Variants in BBS9 observed in about 807,000 individuals in gnomAD.
BBS9 encodes Bardet-Biedl syndrome 9.
A neutral mutation model predicts 117.7 loss-of-function variants in BBS9; 89 were observed. That is an observed-to-expected ratio of 0.76 (90% CI 0.64 to 0.90). The LOEUF is 0.90. Ranked by LOEUF, BBS9 falls within the 40% of genes least tolerant of loss-of-function variation. The pLI is 0.00. For missense variants in BBS9, 982 were observed against 1,042.2 expected, an observed-to-expected ratio of 0.94 and a Z score of 0.80; for synonymous variants, 379 against 370.9, an observed-to-expected ratio of 1.02 and a Z score of -0.25.
intron 7 of BBS9, among the ~76,000 whole-genome samples, chr7:33,271,202 C>T (rs1799730787): frequency 1.3e-5 from 2 of 152,108 alleles, no homozygotes; most frequent in African/African-American, 4.8e-5. Context: ...ACTAGAGCTC[C>T]TGAAAGAAGC....
chr7:33,193,619 C>A (rs567228451), intron 5 of BBS9, among the ~76,000 whole-genome samples: 2 of 152,040 alleles, frequency 1.3e-5, no homozygotes, highest in African/African-American at 4.8e-5. Flanking sequence ...ACTGTTTTGA[C>A]GGTTGGATAT....
chr7:33,341,066 C>G, intron 11 of BBS9, 93 bp downstream of exon 11: 1 of 999,544 alleles, frequency 1.0e-6, no homozygotes, highest in Non-Finnish European at 1.6e-6. Flanking sequence ...TTTGGTCCTC[C>G]AAGTAGACAC....
At chr7:33,602,815 G>A (rs944174443) in intron 21 of BBS9, among the ~76,000 whole-genome samples, 2 of 152,170 alleles carry the variant, frequency 1.3e-5, no homozygotes, top group Non-Finnish European at 2.9e-5. Flanking sequence ...TGGAGTCTGA[G>A]GAGGTGCATG....
At chr7:33,167,147 C>G (rs924000740) in intron 4 of BBS9, among the ~76,000 whole-genome samples, 4 of 152,220 alleles carry the variant, frequency 2.6e-5, no homozygotes, top group African/African-American at 9.6e-5. Flanking sequence ...TGAGTCCATG[C>G]TTAATGTTGG....
At chr7:33,536,247 T>G (rs957823188) in intron 21 of BBS9, among the ~76,000 whole-genome samples, 1 of 152,004 alleles carries the variant, frequency 6.6e-6, no homozygotes, top group Non-Finnish European at 1.5e-5. Flanking sequence ...TCGCAATGCC[T>G]TGCCTTTACT....
intron 9 of BBS9, among the ~76,000 whole-genome samples, chr7:33,335,649 T>C (rs1183815090): frequency 1.3e-5 from 2 of 152,130 alleles, no homozygotes; most frequent in Non-Finnish European, 2.9e-5. Context: ...TTATGGCTAG[T>C]TTCTAGAGTA....
chr7:33,370,531 A>G (rs991812630), intron 17 of BBS9, among the ~76,000 whole-genome samples: 3 of 152,164 alleles, frequency 2.0e-5, no homozygotes, highest in Admixed American at 6.5e-5. Context: ...GAAAACTGTT[A>G]TCACAGTCCT....
rs571795495 is a variant in BBS9 at position 33,533,978 on chromosome 7, G to T, written c.2323G>T (p.Ala775Ser). ...GGGCTGGGAAGAAACGGTGGATGCC[G>T]CCATTTCCCACCTGTTGAAGACTTG... ...ELGWEETVDA[A>S]ISHLLKTCLS... The change falls in exon 21 of 23, where the codon GCC (alanine) becomes TCC (serine). Residue 775 changes from alanine (A) to serine (S), a missense_variant. Ala to Ser is a moderately conservative substitution (Grantham distance 99). Transcript: ENST00000242067. 1.2e-6 allele frequency: 2 copies of T among 1,614,152 alleles called. No homozygotes were observed. Among genetic ancestry groups the T allele is most frequent in the Non-Finnish European group, 1.7e-6 (2 of 1,180,034 alleles).
intron 19 of BBS9, among the ~76,000 whole-genome samples, chr7:33,412,972 C>A (rs1301420496): frequency 1.3e-5 from 2 of 152,106 alleles, no homozygotes; most frequent in African/African-American, 4.8e-5. Context: ...CTGTTGACTA[C>A]AATGTTTGAT....
chr7:33,425,270 A>AATT (rs1833490132), intron 19 of BBS9, among the ~76,000 whole-genome samples: 1 of 152,180 alleles, frequency 6.6e-6, no homozygotes, highest in Non-Finnish European at 1.5e-5. Flanking sequence ...AGTGGAGCTC[A>AATT]ATTATTATTA....
chr7:33,346,903 C>A (rs950431854), intron 12 of BBS9, among the ~76,000 whole-genome samples: 1 of 152,192 alleles, frequency 6.6e-6, no homozygotes, highest in African/African-American at 2.4e-5. Context: ...ATTTTCAACT[C>A]TCTACTTGGA....
intron 10 of BBS9, among the ~76,000 whole-genome samples, chr7:33,339,942 T>C (rs1210907534): frequency 1.3e-5 from 2 of 151,814 alleles, no homozygotes; most frequent in African/African-American, 4.8e-5. Flanking sequence ...GAAGAATGGA[T>C]GTTAAGTAGG....
chr7:33,270,182 G>A (rs1449844837), intron 7 of BBS9, among the ~76,000 whole-genome samples: 1 of 152,014 alleles, frequency 6.6e-6, no homozygotes, highest in African/African-American at 2.4e-5. Context: ...TCAGCCCTCT[G>A]AAAACATCCA....
Position 33,137,495 on chromosome 7 carries a change from G to A in BBS9, c.-12+7454G>A, listed in dbSNP as rs552872895. Among the ~76,000 whole-genome samples, 9 of 152,286 alleles carry A rather than the reference G, an allele frequency of 5.9e-5. 1 individual carries two copies. In the South Asian group the frequency reaches 1.5e-3, roughly 25 times the overall value. ...GGGCAGCCCCTGCCATGCCTCCCCCGCTGCAGCCAGTGTCTTCGCAGTGGC... is the reference window on the plus strand; with the variant it reads ...GGGCAGCCCCTGCCATGCCTCCCCCACTGCAGCCAGTGTCTTCGCAGTGGC... On this transcript the variant is annotated intron_variant, in intron 1 of 22. Coordinates refer to ENST00000242067, the MANE Select transcript of BBS9 (RefSeq NM_198428.3).
At chr7:33,294,319 A>G (rs965476003) in intron 9 of BBS9, among the ~76,000 whole-genome samples, 2 of 142,488 alleles carry the variant, frequency 1.4e-5, no homozygotes, top group African/African-American at 5.6e-5. Context: ...CTATCTATCT[A>G]TCTATCTATC....
intron 21 of BBS9, among the ~76,000 whole-genome samples, chr7:33,616,952 C>T (rs112480378): frequency 0.017 from 2,657 of 152,050 alleles, 35 homozygotes; most frequent in Non-Finnish European, 0.029. Flanking sequence ...TAAGTGAGAG[C>T]ATGTGGTATT....
chr7:33,293,048 A>G (rs998554306), intron 9 of BBS9, among the ~76,000 whole-genome samples: 25 of 152,054 alleles, frequency 1.6e-4, no homozygotes, highest in African/African-American at 5.8e-4. Flanking sequence ...AAAAGAAATT[A>G]TTAGCGTTGA....
At chr7:33,440,941 AAGGG>A (rs1836073560) in intron 19 of BBS9, among the ~76,000 whole-genome samples, 1 of 152,190 alleles carries the variant, frequency 6.6e-6, no homozygotes, top group Non-Finnish European at 1.5e-5. Flanking sequence ...GAGAACTTTG[AAGGG>A]TGATAGAAAT....
intron 19 of BBS9, among the ~76,000 whole-genome samples, chr7:33,490,481 A>G (rs1585006694): frequency 6.6e-6 from 1 of 152,200 alleles, no homozygotes; most frequent in East Asian, 1.9e-4. Context: ...CATGGATATC[A>G]ACTATCTTTT....
Sources: allele counts gnomAD v4.1 joint callset (sites outside exome capture counted in the v4.1 genomes callset), GRCh38; gene constraint gnomAD v4.1.1; transcripts MANE v1.5; gene names NCBI Gene and HGNC (gene_info 2026-07-23, HGNC 2026-07-21).